ZYG11B: variants seen among roughly 807,000 people sequenced by gnomAD.
The protein encoded by ZYG11B is zyg-11 family member B, cell cycle regulator.
In ZYG11B, 36 loss-of-function variants were observed where a neutral mutation model predicts 82.4. That is an observed-to-expected ratio of 0.44 (90% CI 0.33 to 0.58). ZYG11B has a LOEUF of 0.58. Among genes scored for constraint, ZYG11B ranks in the 20% least tolerant of loss-of-function variants. The pLI is 0.02. For synonymous variants in ZYG11B, 303 were observed against 312.8 expected (o/e 0.97, Z 0.33); for missense variants, 552 against 895.6 (o/e 0.62, Z 4.90).
chr1:52,816,725 T>C, intron 13 of ZYG11B, 96 bp downstream of exon 13: 1 of 865,346 alleles, frequency 1.2e-6, no homozygotes, highest in Non-Finnish European at 1.9e-6. Context: ...AAAGTGATTT[T>C]TAAGAACACT....
At chr1:52,741,297 T>TGAAAAA (rs1644428005) in intron 1 of ZYG11B, among the ~76,000 whole-genome samples, 1 of 18,474 alleles carries the variant, frequency 5.4e-5, no homozygotes, top group Non-Finnish European at 8.6e-5. Flanking sequence ...AGACTTCGTC[T>TGAAAAA]CAAAAAAAAA....
chr1:52,801,681 G>A (rs530456884), intron 8 of ZYG11B, 138 bp from the exon 9 acceptor site: 1 of 622,920 alleles, frequency 1.6e-6, no homozygotes, highest in Admixed American at 3.4e-5. Flanking sequence ...CAGTCCAAGG[G>A]GCTGTTTGTT....
intron 2 of ZYG11B, among the ~76,000 whole-genome samples, chr1:52,760,386 G>A (rs1489796442): frequency 6.6e-6 from 1 of 152,138 alleles, no homozygotes; most frequent in Non-Finnish European, 1.5e-5. Context: ...GGAGGTTGCA[G>A]TGAGCCAAGA....
chr1:52,772,818 C>T (rs1359829655), intron 3 of ZYG11B, among the ~76,000 whole-genome samples: 4 of 152,018 alleles, frequency 2.6e-5, no homozygotes, highest in African/African-American at 9.7e-5. Context: ...ACTGGGACTA[C>T]AGGCGCCCGC....
intron 2 of ZYG11B, among the ~76,000 whole-genome samples, chr1:52,766,242 T>A (rs2149935300): frequency 6.6e-6 from 1 of 151,818 alleles, no homozygotes; most frequent in Non-Finnish European, 1.5e-5. Context: ...TGTCTCAACC[T>A]CCTGGGTAGC....
At chr1:52,814,407 T>C (rs926678938) in intron 12 of ZYG11B, among the ~76,000 whole-genome samples, 2 of 152,244 alleles carry the variant, frequency 1.3e-5, no homozygotes, top group African/African-American at 4.8e-5. Context: ...TCACATTTGT[T>C]GAAGACAAGT....
chr1:52,794,637 A>G (rs1051071176), intron 6 of ZYG11B, among the ~76,000 whole-genome samples: 26 of 152,152 alleles, frequency 1.7e-4, no homozygotes, highest in African/African-American at 6.3e-4. Context: ...CTAAAGTACT[A>G]AGGAGCTAAG....
At chr1:52,803,724 C>G (rs1645118445) in intron 10 of ZYG11B, among the ~76,000 whole-genome samples, 1 of 152,166 alleles carries the variant, frequency 6.6e-6, no homozygotes, top group Non-Finnish European at 1.5e-5. Context: ...ACCTTAGCCT[C>G]CAGAGTAGCT....
chr1:52,751,524 G>A (rs1320192063), intron 1 of ZYG11B, among the ~76,000 whole-genome samples: 1 of 152,080 alleles, frequency 6.6e-6, no homozygotes, highest in East Asian at 1.9e-4. Flanking sequence ...CAGCTATTCT[G>A]GAGACTGAGG....
rs781152371 is a variant in ZYG11B at position 52,771,664 on chromosome 1, G to T, written c.841G>T (p.Asp281Tyr). 6.2e-7 allele frequency: 1 copy of T among 1,614,228 alleles called. No homozygotes were observed. Among genetic ancestry groups the T allele is most frequent in the Non-Finnish European group, 8.5e-7 (1 of 1,180,044 alleles). Residue 281 changes from aspartate to tyrosine, a missense_variant, in exon 3 of 14, where the codon GAT (aspartate) becomes TAT (tyrosine). Physicochemically the swap from Asp to Tyr is radical, Grantham distance 160. Around this residue, in one of 3 missense-constraint regions of ZYG11B, gnomAD observed 359 missense variants for 555.8 expected, o/e 0.65. Transcript: ENST00000294353. The surrounding 1 kb of genome is among the most constrained non-coding windows in gnomAD (Gnocchi z 5.4). Reference protein sequence around the residue: ...LDVSGRKHVTDKAVEAFIQQR... With the variant: ...LDVSGRKHVTYKAVEAFIQQR... ...TGTTTCTGGGAGAAAGCACGTGACA[G>T]ATAAAGCCGTTGAAGCCTTTATACA...
rs556949394 is a variant in ZYG11B, at chr1:52,803,421, G to A, written c.1695+1282G>A. Among the ~76,000 whole-genome samples the A allele has an allele frequency of 3.7e-5, 5 of 133,740 alleles. No individual in the cohort carries two copies. In the South Asian group the frequency reaches 1.2e-3, roughly 32 times the overall value. The allele number at this position is 133,740 out of a possible 152,430, so 87.7% of individuals were successfully genotyped here. A position where few individuals can be genotyped will look rare whatever the true frequency, so the allele number is the denominator to read the frequency against. The stretch of plus-strand genomic sequence containing the variant: ...CATTGCACTCCAGCCTGGACAATAA[G>A]AGCGAAACTCCATCTCAAAAGAAAA... On this transcript the variant is annotated intron_variant, in intron 10 of 13. Transcript: ENST00000294353.
At chr1:52,761,919 A>G (rs906393610) in intron 2 of ZYG11B, among the ~76,000 whole-genome samples, 2 of 152,038 alleles carry the variant, frequency 1.3e-5, no homozygotes, top group African/African-American at 4.8e-5. Context: ...ATGATTAGTG[A>G]TGTTTAGCAA....
intron 1 of ZYG11B, among the ~76,000 whole-genome samples, chr1:52,737,608 A>G (rs537323373): frequency 1.1e-4 from 17 of 152,280 alleles, no homozygotes; most frequent in Non-Finnish European, 1.9e-4. Context: ...TCTACTAAAA[A>G]TACAAAAATC....
chr1:52,792,618 C>G (rs1268117503), intron 6 of ZYG11B, among the ~76,000 whole-genome samples: 1 of 152,160 alleles, frequency 6.6e-6, no homozygotes, highest in Non-Finnish European at 1.5e-5. Flanking sequence ...CCAGGGCCTC[C>G]ATTTTTTCAT....
intron 3 of ZYG11B, among the ~76,000 whole-genome samples, chr1:52,773,205 G>A (rs1644770265): frequency 6.6e-6 from 1 of 152,006 alleles, no homozygotes; most frequent in African/African-American, 2.4e-5. Context: ...TGGGTGCAGT[G>A]GCTCACACCT....
chr1:52,812,489 A>G (rs1312796666), intron 10 of ZYG11B, among the ~76,000 whole-genome samples: 5 of 151,610 alleles, frequency 3.3e-5, no homozygotes, highest in Admixed American at 1.3e-4. Context: ...TGCAGCCTCC[A>G]CCTCCCAGGT....
At chr1:52,794,694 A>G (rs1644993106) in intron 6 of ZYG11B, among the ~76,000 whole-genome samples, 1 of 152,294 alleles carries the variant, frequency 6.6e-6, no homozygotes, top group African/African-American at 2.4e-5. Flanking sequence ...AGGCAGTGAT[A>G]TTTGATCTGA....
intron 2 of ZYG11B, among the ~76,000 whole-genome samples, chr1:52,758,945 A>G (rs1165102298): frequency 6.6e-6 from 1 of 151,922 alleles, no homozygotes; most frequent in Non-Finnish European, 1.5e-5. Flanking sequence ...TATTATTATT[A>G]TTTTGAGATG....
chr1:52,775,203 C>T (rs1644794002), intron 3 of ZYG11B, among the ~76,000 whole-genome samples: 1 of 152,048 alleles, frequency 6.6e-6, no homozygotes, highest in Admixed American at 6.6e-5. Flanking sequence ...AATCTATATG[C>T]TGATGACTCC....
Sources: allele counts gnomAD v4.1 joint callset (sites outside exome capture counted in the v4.1 genomes callset), GRCh38; gene constraint gnomAD v4.1.1; regional missense constraint gnomAD v4.1.1; non-coding constraint Gnocchi (gnomAD v3.1); transcripts MANE v1.5; gene names NCBI Gene and HGNC (gene_info 2026-07-23, HGNC 2026-07-21).